Variants in IDE observed in about 807,000 individuals in gnomAD.
IDE encodes the protein insulin degrading enzyme.
In IDE, 58 loss-of-function variants were observed where a neutral mutation model predicts 133.2. That is an observed-to-expected ratio of 0.44 (90% confidence interval 0.35 to 0.54). The LOEUF (loss-of-function observed/expected upper bound fraction) is 0.54. IDE is among the 20% of genes least tolerant of loss of function. The pLI is 0.00. For synonymous variants in IDE, 396 were observed against 421.3 expected (o/e 0.94, Z 0.73); for missense variants, 981 against 1,234.0 (o/e 0.79, Z 3.07).
chr10:92,497,725 T>A, intron 11 of IDE: 1 of 984,562 alleles, frequency 1.0e-6, no homozygotes, highest in African/African-American at 1.7e-5. Context: ...CCAGGCTGTT[T>A]TGCACCATGT....
At chr10:92,521,610 C>T (rs1849230089) in intron 4 of IDE, among the ~76,000 whole-genome samples, 2 of 151,682 alleles carry the variant, frequency 1.3e-5, no homozygotes, top group South Asian at 2.1e-4. Flanking sequence ...TTTGGGTGGT[C>T]AAGGTGGGAG....
intron 1 of IDE, among the ~76,000 whole-genome samples, chr10:92,552,686 C>T (rs1306503131): frequency 1.3e-5 from 2 of 151,264 alleles, no homozygotes; most frequent in East Asian, 3.9e-4. Flanking sequence ...TGGTGAACTC[C>T]CATCTCTACT....
At chr10:92,530,675 G>A (rs1833133736) in intron 4 of IDE, among the ~76,000 whole-genome samples, 1 of 152,138 alleles carries the variant, frequency 6.6e-6, no homozygotes, top group Admixed American at 6.5e-5. Flanking sequence ...AAAAAATTCA[G>A]CATTATGTAG....
chr10:92,502,264 T>C (rs1848064886), intron 11 of IDE, among the ~76,000 whole-genome samples: 1 of 152,224 alleles, frequency 6.6e-6, no homozygotes, highest in South Asian at 2.1e-4. Flanking sequence ...TCCTAATGTA[T>C]GACTATAGTA....
intron 1 of IDE, among the ~76,000 whole-genome samples, chr10:92,552,066 C>T (rs1842811403): frequency 6.6e-6 from 1 of 152,022 alleles, no homozygotes; most frequent in African/African-American, 2.4e-5. Context: ...GGGTGAGAAA[C>T]AATCAATATT....
chr10:92,482,961 T>C (rs1330527646), intron 14 of IDE, among the ~76,000 whole-genome samples: 2 of 152,108 alleles, frequency 1.3e-5, no homozygotes, highest in Non-Finnish European at 2.9e-5. Context: ...TTTGTATTTT[T>C]AGTAGAGACG....
At chr10:92,478,197 G>T (rs556477518) in intron 15 of IDE, among the ~76,000 whole-genome samples, 1 of 152,260 alleles carries the variant, frequency 6.6e-6, no homozygotes, top group South Asian at 2.1e-4. Context: ...GTAGGTAATG[G>T]TGCATGCTAC....
chr10:92,490,955 G>A (rs1564619135), intron 11 of IDE, among the ~76,000 whole-genome samples: 1 of 152,094 alleles, frequency 6.6e-6, no homozygotes, highest in South Asian at 2.1e-4. Flanking sequence ...AAGCAAAGAA[G>A]TTGCGGATGT....
At chr10:92,486,283 G>C (rs1418581031) in intron 13 of IDE, among the ~76,000 whole-genome samples, 1 of 152,080 alleles carries the variant, frequency 6.6e-6, no homozygotes, top group Non-Finnish European at 1.5e-5. Context: ...TTGGGAGGCG[G>C]AAGTTACAGT....
At chr10:92,565,669 C>CT (rs1843504022) in intron 1 of IDE, among the ~76,000 whole-genome samples, 1 of 152,122 alleles carries the variant, frequency 6.6e-6, no homozygotes, top group South Asian at 2.1e-4. Context: ...GTCTTCAACT[C>CT]TATCTTCAGA....
chr10:92,472,642 CTTTTTTT>C (rs35959170), intron 17 of IDE, among the ~76,000 whole-genome samples: 2 of 125,930 alleles, frequency 1.6e-5, no homozygotes, highest in Non-Finnish European at 1.7e-5. Flanking sequence ...CAACAGAATT[CTTTTTTT>C]TTTTTTTTTT....
At position 92,454,224 on chromosome 10, in the gene IDE, T is replaced by A. The variant is rs2135283886; in HGVS notation, c.*220A>T. ...CTCTCAGTAATCAAAAGAAAAATTT[T>A]AAAATATTTAAGAGGCATGTATTTA... is the stretch of plus-strand genomic sequence containing the variant. On this transcript the variant is annotated 3_prime_UTR_variant, in exon 25 of 25. Coordinates refer to ENST00000265986, the MANE Select transcript of IDE (RefSeq NM_004969.4). 5.5e-6 allele frequency: 2 copies of A among 364,296 alleles called. No homozygotes were observed. The highest frequency in any genetic ancestry group is 1.2e-4 in the South Asian group (2 of 16,902). The allele number at this position is 364,296 out of a possible 1,614,324, so 22.6% of individuals were successfully genotyped here.
intron 11 of IDE, among the ~76,000 whole-genome samples, chr10:92,492,760 T>C (rs1847436692): frequency 6.6e-6 from 1 of 152,224 alleles, no homozygotes; most frequent in Non-Finnish European, 1.5e-5. Flanking sequence ...CTCATTCATT[T>C]TGAGAATCCC....
At chr10:92,507,256 G>A (rs1003986395) in intron 9 of IDE, among the ~76,000 whole-genome samples, 1 of 152,124 alleles carries the variant, frequency 6.6e-6, no homozygotes, top group Non-Finnish European at 1.5e-5. Context: ...GCTTCAGGCA[G>A]GGAGTAACAT....
chr10:92,543,888 GT>G (rs1192119785), intron 1 of IDE, among the ~76,000 whole-genome samples: 11 of 151,274 alleles, frequency 7.3e-5, no homozygotes, highest in African/African-American at 2.7e-4. Flanking sequence ...GGTACCAAGG[GT>G]GTTTCACAAG....
chr10:92,567,100 C>G (rs1389545921), intron 1 of IDE, among the ~76,000 whole-genome samples: 1 of 152,188 alleles, frequency 6.6e-6, no homozygotes, highest in Non-Finnish European at 1.5e-5. Context: ...ACCGCTCAGT[C>G]CTGTCCACTA....
At chr10:92,469,406 CAG>C (rs753446964) in intron 18 of IDE, among the ~76,000 whole-genome samples, 3 of 151,786 alleles carry the variant, frequency 2.0e-5, no homozygotes, top group Non-Finnish European at 4.4e-5. Flanking sequence ...GGGGGTATAG[CAG>C]AGTGGTAGAG....
intron 5 of IDE, among the ~76,000 whole-genome samples, chr10:92,513,501 A>C (rs1311900975): frequency 6.6e-6 from 1 of 152,148 alleles, no homozygotes; most frequent in Non-Finnish European, 1.5e-5. Context: ...ACCCTATTAG[A>C]GTTTTTAAAA....
At chr10:92,491,204 C>T (rs918250692) in intron 11 of IDE, among the ~76,000 whole-genome samples, 1 of 151,378 alleles carries the variant, frequency 6.6e-6, no homozygotes, top group Non-Finnish European at 1.5e-5. Context: ...CACCACTGCA[C>T]TCTAGCATGG....
Sources: allele counts gnomAD v4.1 joint callset (sites outside exome capture counted in the v4.1 genomes callset), GRCh38; gene constraint gnomAD v4.1.1; transcripts MANE v1.5; gene names NCBI Gene and HGNC (gene_info 2026-07-23, HGNC 2026-07-21).